Variants in SORCS3 observed in about 807,000 individuals in gnomAD.
SORCS3 encodes sortilin related VPS10 domain containing receptor 3, also known as VPS10 domain-containing receptor SorCS3.
In SORCS3, 57 loss-of-function variants were observed where a neutral mutation model predicts 146.3. The observed-to-expected ratio is 0.39, with a 90% confidence interval of 0.31 to 0.49. The LOEUF is 0.49. Among genes scored for constraint, SORCS3 ranks in the 20% least tolerant of loss-of-function variants. The pLI is 0.92. For missense variants in SORCS3, 1,341 were observed against 1,575.5 expected, an observed-to-expected ratio of 0.85 and a Z score of 2.52; for synonymous variants, 653 against 618.5, an observed-to-expected ratio of 1.06 and a Z score of -0.83.
At chr10:104,722,433 A>G (rs917845905) in intron 1 of SORCS3, among the ~76,000 whole-genome samples, 2 of 151,624 alleles carry the variant, frequency 1.3e-5, no homozygotes, top group African/African-American at 4.8e-5. Flanking sequence ...ATTGGTCTAA[A>G]ATTCTCTTTT....
At chr10:104,954,787 T>C (rs1001683438) in intron 3 of SORCS3, among the ~76,000 whole-genome samples, 1 of 152,118 alleles carries the variant, frequency 6.6e-6, no homozygotes, top group African/African-American at 2.4e-5. Flanking sequence ...AGATTGACTG[T>C]TATTATTATT....
At chr10:105,183,444 T>G (rs942833997) in intron 14 of SORCS3, among the ~76,000 whole-genome samples, 4 of 152,194 alleles carry the variant, frequency 2.6e-5, no homozygotes, top group African/African-American at 9.7e-5. Flanking sequence ...TTCTTTTAAA[T>G]ACAGCCTTAG....
intron 7 of SORCS3, among the ~76,000 whole-genome samples, chr10:105,108,943 G>T (rs959089329): frequency 3.3e-5 from 5 of 152,124 alleles, no homozygotes; most frequent in Non-Finnish European, 5.9e-5. Flanking sequence ...TGACATATAT[G>T]TCTTAGTTTT....
intron 1 of SORCS3, among the ~76,000 whole-genome samples, chr10:104,686,070 G>T (rs1391427078): frequency 6.6e-6 from 1 of 152,146 alleles, no homozygotes; most frequent in East Asian, 1.9e-4. Context: ...GGGGGAAGTG[G>T]ATGAAGTGGA....
chr10:104,643,053 C>T (rs1267181618), intron 1 of SORCS3, among the ~76,000 whole-genome samples: 3 of 152,252 alleles, frequency 2.0e-5, no homozygotes, highest in African/African-American at 7.2e-5. Context: ...CTCCCTCCCG[C>T]GGTCCCTACT....
chr10:105,079,621 A>G (rs1367397288), intron 5 of SORCS3, among the ~76,000 whole-genome samples: 3 of 152,100 alleles, frequency 2.0e-5, no homozygotes, highest in Admixed American at 6.6e-5. Context: ...GTTGTTTTAT[A>G]GGTAAACTCA....
chr10:105,241,770 A>G (rs1009036581), intron 20 of SORCS3, among the ~76,000 whole-genome samples: 1 of 152,124 alleles, frequency 6.6e-6, no homozygotes, highest in African/African-American at 2.4e-5. Flanking sequence ...TTCTCTACCA[A>G]CTGAGTCTGG....
chr10:105,141,601 G>A (rs552103103), intron 8 of SORCS3, among the ~76,000 whole-genome samples: 2 of 152,234 alleles, frequency 1.3e-5, no homozygotes, highest in South Asian at 4.1e-4. Context: ...CTCTCCTGGG[G>A]TACTCCATAG....
intron 1 of SORCS3, among the ~76,000 whole-genome samples, chr10:104,824,503 T>C (rs1463661067): frequency 1.3e-5 from 2 of 152,084 alleles, no homozygotes; most frequent in Non-Finnish European, 2.9e-5. Context: ...ATTTGTAGGA[T>C]TGAATAGGAG....
At chr10:104,730,810 C>A (rs981151647) in intron 1 of SORCS3, among the ~76,000 whole-genome samples, 1 of 152,214 alleles carries the variant, frequency 6.6e-6, no homozygotes, top group Non-Finnish European at 1.5e-5. Context: ...ACCACCAGAT[C>A]TCTTGAGAAC....
chr10:104,767,994 T>C (rs1255163259), intron 1 of SORCS3, among the ~76,000 whole-genome samples: 1 of 152,126 alleles, frequency 6.6e-6, no homozygotes, highest in Non-Finnish European at 1.5e-5. Flanking sequence ...AGAACCCAGA[T>C]GTTTAACAGA....
intron 6 of SORCS3, among the ~76,000 whole-genome samples, chr10:105,093,194 G>A (rs1260268796): frequency 1.3e-5 from 2 of 152,180 alleles, no homozygotes; most frequent in African/African-American, 4.8e-5. Flanking sequence ...CAATTGGGCA[G>A]TAATCTGGGG....
intron 4 of SORCS3, among the ~76,000 whole-genome samples, chr10:105,011,769 C>T (rs554414464): frequency 1.9e-4 from 29 of 152,282 alleles, no homozygotes; most frequent in Middle Eastern, 6.8e-3. Context: ...CCTCTTTCCA[C>T]CAGTGTTTAT....
intron 2 of SORCS3, among the ~76,000 whole-genome samples, chr10:104,891,847 G>T (rs2018752615): frequency 6.6e-6 from 1 of 152,142 alleles, no homozygotes; most frequent in Non-Finnish European, 1.5e-5. Context: ...CCAGGTTGGT[G>T]CTTTTTCAAT....
At chr10:105,233,113 T>A (rs901955674) in intron 20 of SORCS3, among the ~76,000 whole-genome samples, 4 of 146,036 alleles carry the variant, frequency 2.7e-5, no homozygotes, top group South Asian at 4.3e-4. Flanking sequence ...ACTCATACTT[T>A]AAAAAAAAAA....
intron 5 of SORCS3, among the ~76,000 whole-genome samples, chr10:105,082,903 T>A (rs890393697): frequency 6.6e-6 from 1 of 152,078 alleles, no homozygotes; most frequent in Non-Finnish European, 1.5e-5. Flanking sequence ...GCTAATTTTG[T>A]ATTTTTAGTA....
At chr10:105,104,205 A>T (rs1312643002) in intron 6 of SORCS3, among the ~76,000 whole-genome samples, 1 of 152,236 alleles carries the variant, frequency 6.6e-6, no homozygotes, top group Non-Finnish European at 1.5e-5. Flanking sequence ...ATATGTAATA[A>T]TGCATGTGGT....
chr10:105,214,370 A>G, intron 17 of SORCS3, 72 bp from the exon 18 acceptor site: 2 of 1,538,048 alleles, frequency 1.3e-6, no homozygotes, highest in East Asian at 2.3e-5. Flanking sequence ...TTTATAACAC[A>G]CACACACACA....
chr10:105,258,384 C>T (rs772473764), intron 25 of SORCS3, among the ~76,000 whole-genome samples: 10 of 152,196 alleles, frequency 6.6e-5, no homozygotes, highest in Non-Finnish European at 1.5e-4. Flanking sequence ...TATAGATGTA[C>T]TTCAATTATA....
Sources: gnomAD v4.1 joint callset for allele counts (sites outside exome capture counted in the v4.1 genomes callset) on GRCh38, gnomAD v4.1.1 for gene constraint, MANE v1.5 for transcripts, NCBI Gene and HGNC (gene_info 2026-07-23, HGNC 2026-07-21) for gene names.